Variants in DCTD observed in about 807,000 individuals in gnomAD.
DCTD encodes the protein deoxycytidylate deaminase.
Under a neutral mutation model 21.0 loss-of-function variants are expected in DCTD, and 23 were observed. The ratio of observed to expected loss-of-function variants is 1.09; its 90% CI spans 0.79 to 1.55. The LOEUF (loss-of-function observed/expected upper bound fraction) is 1.55. DCTD is among the 40% of genes most tolerant of loss of function. The pLI, the probability that DCTD is intolerant of heterozygous loss-of-function variation, is 0.00. For missense variants in DCTD, 224 were observed against 230.0 expected, an observed-to-expected ratio of 0.97 and a Z score of 0.17; for synonymous variants, 71 against 81.1, an observed-to-expected ratio of 0.88 and a Z score of 0.67.
intron 3 of DCTD, among the ~76,000 whole-genome samples, chr4:182,912,764 C>T (rs1737933642): frequency 1.3e-5 from 2 of 152,150 alleles, no homozygotes; most frequent in Non-Finnish European, 2.9e-5. Flanking sequence ...TACTGCATGG[C>T]CCTTGGCTTC....
chr4:182,893,067 G>A lies in DCTD; in HGVS notation c.422C>T (p.Ala141Val), dbSNP rs778735165. The change falls in exon 5 of 6, where the codon GCG becomes GTG. Residue 141 changes from alanine to valine, a missense_variant. Ala to Val is a moderately conservative substitution (Grantham distance 64). Coordinates refer to ENST00000438320, the MANE Select transcript of DCTD (RefSeq NM_001921.3). ...KYHDSDEATA[A>V]RLLFNMAGVT... The stretch of plus-strand genomic sequence containing the variant: ...CCCGGCCATATTAAACAGGAGCCTC[G>A]CAGCAGTTGCCTCGTCACTATCATG... 1.4e-5 allele frequency: 22 copies of A among 1,612,634 alleles called. No homozygotes were observed. The highest frequency in any genetic ancestry group is 8.9e-5 in the East Asian group (4 of 44,864).
At chr4:182,897,125 T>TATAG in intron 3 of DCTD, among the ~76,000 whole-genome samples, 1 of 152,206 alleles carries the variant, frequency 6.6e-6, no homozygotes, top group East Asian at 1.9e-4. Flanking sequence ...ACAGTATAGG[T>TATAG]CTGGATTCAT....
intron 3 of DCTD, among the ~76,000 whole-genome samples, chr4:182,914,019 G>GT (rs1485584131): frequency 2.7e-5 from 4 of 150,372 alleles, no homozygotes; most frequent in Admixed American, 2.0e-4. Context: ...TTTTTGTTTT[G>GT]TTTTTTGAGA....
At chr4:182,913,917 G>A (rs1163303939) in intron 3 of DCTD, among the ~76,000 whole-genome samples, 1 of 152,164 alleles carries the variant, frequency 6.6e-6, no homozygotes, top group Non-Finnish European at 1.5e-5. Flanking sequence ...AATTTCAAGG[G>A]GAAAATCCAG....
Position 182,891,221 on chromosome 4 carries a change from A to T in DCTD, c.*178T>A. On this transcript the variant is annotated 3_prime_UTR_variant, in exon 6 of 6. Coordinates refer to ENST00000438320, the MANE Select transcript of DCTD (RefSeq NM_001921.3). ...AACCCTAAAGCAATAGTTCAAACACATGTAGATTCCATGTGACAAGAGAGA... is the reference window on the plus strand; with the variant it reads ...AACCCTAAAGCAATAGTTCAAACACTTGTAGATTCCATGTGACAAGAGAGA... 1 of 613,378 alleles carries T rather than the reference A, an allele frequency of 1.6e-6. No individual in the cohort carries two copies. Among genetic ancestry groups the T allele is most frequent in the East Asian group, 2.6e-5 (1 of 38,276 alleles). 38.0% of individuals were successfully genotyped at this position (613,378 alleles called of 1,614,324 possible).
Position 182,892,914 on chromosome 4 carries a change from T to C in DCTD, c.458+117A>G, listed in dbSNP as rs1359788114. Reference sequence around the variant, plus strand: ...CTTTAAATTCTTATGCCCTTGCATTTCTAAAGACACCTCCAAGTGTGGAAG... The same window carrying C: ...CTTTAAATTCTTATGCCCTTGCATTCCTAAAGACACCTCCAAGTGTGGAAG... On this transcript the variant is annotated intron_variant, in intron 5 of 5. Transcript: ENST00000438320. The C allele has an allele frequency of 6.0e-6, 4 of 671,616 alleles. 1 individual carries two copies. Among genetic ancestry groups the C allele is most frequent in the Non-Finnish European group, 8.0e-6 (3 of 374,090 alleles). The allele number at this position is 671,616 out of a possible 1,614,324, so 41.6% of individuals were successfully genotyped here. A position where few individuals can be genotyped will look rare whatever the true frequency, so the allele number is the denominator to read the frequency against.
intron 3 of DCTD, among the ~76,000 whole-genome samples, chr4:182,905,326 C>CT (rs70956544): frequency 0.057 from 6,962 of 121,540 alleles, 239 homozygotes; most frequent in East Asian, 0.091. Context: ...AGCCCGCCTT[C>CT]TTTTTTTTTT....
intron 3 of DCTD, among the ~76,000 whole-genome samples, chr4:182,906,782 T>C (rs1460426070): frequency 6.6e-6 from 1 of 152,354 alleles, no homozygotes; most frequent in East Asian, 1.9e-4. Context: ...TGCTCAGTTA[T>C]CATATTCAAT....
At chr4:182,900,668 A>C (rs1735561811) in intron 3 of DCTD, among the ~76,000 whole-genome samples, 1 of 152,250 alleles carries the variant, frequency 6.6e-6, no homozygotes, top group African/African-American at 2.4e-5. Context: ...CAATAAGCAA[A>C]ATAAATCTGC....
chr4:182,894,481 G>A lies in DCTD; in HGVS notation c.361+8C>T. On this transcript the variant is annotated splice_region_variant and intron_variant, in intron 4 of 5. Transcript: ENST00000438320. ...CAAATGTGACAAATGGAAAGACCCG[G>A]TTCCTACCTGCCTGGATGATGAGCT... The A allele has an allele frequency of 6.4e-7, 1 of 1,565,842 alleles. No homozygotes were observed. Among genetic ancestry groups the A allele is most frequent in the South Asian group, 1.1e-5 (1 of 90,016 alleles).
At chr4:182,894,928 G>A (rs1338059105) in intron 3 of DCTD, among the ~76,000 whole-genome samples, 1 of 152,232 alleles carries the variant, frequency 6.6e-6, no homozygotes, top group Non-Finnish European at 1.5e-5. Flanking sequence ...GCTCATTGGT[G>A]TGCTGACACG....
intron 3 of DCTD, among the ~76,000 whole-genome samples, chr4:182,900,493 A>G (rs1735530163): frequency 6.6e-6 from 1 of 152,180 alleles, no homozygotes; most frequent in African/African-American, 2.4e-5. Flanking sequence ...ACTAACCAAA[A>G]CTAACCAAGA....
intron 3 of DCTD, among the ~76,000 whole-genome samples, chr4:182,903,688 C>T (rs1158662352): frequency 1.3e-5 from 2 of 151,980 alleles, no homozygotes; most frequent in South Asian, 2.1e-4. Flanking sequence ...GGTGCCCATC[C>T]GCCTGCCCAC....
intron 5 of DCTD, among the ~76,000 whole-genome samples, chr4:182,892,162 A>G (rs1579647866): frequency 6.6e-6 from 1 of 152,172 alleles, no homozygotes; most frequent in Non-Finnish European, 1.5e-5. Context: ...AATGACCAGC[A>G]CAAGGGGCCA....
chr4:182,912,333 A>G (rs945986584), intron 3 of DCTD, among the ~76,000 whole-genome samples: 1 of 152,138 alleles, frequency 6.6e-6, no homozygotes, highest in African/African-American at 2.4e-5. Flanking sequence ...TTATGGCGGC[A>G]GTAATACTAA....
intron 3 of DCTD, among the ~76,000 whole-genome samples, chr4:182,897,371 T>A (rs1285597152): frequency 6.7e-6 from 1 of 150,248 alleles, no homozygotes; most frequent in Admixed American, 6.6e-5. Flanking sequence ...ACCAGCACCA[T>A]CAAAAAGTAT....
intron 3 of DCTD, among the ~76,000 whole-genome samples, chr4:182,904,413 C>T (rs559853713): frequency 6.4e-4 from 98 of 152,280 alleles, no homozygotes; most frequent in African/African-American, 2.2e-3. Context: ...AGAAACAGAG[C>T]GCTAATCAGC....
chr4:182,912,149 CAAA>C (rs34737293), intron 3 of DCTD, among the ~76,000 whole-genome samples: 9 of 82,224 alleles, frequency 1.1e-4, no homozygotes, highest in Non-Finnish European at 7.8e-5. Flanking sequence ...AAAACGAAAG[CAAA>C]AAAAAAAAAA....
At chr4:182,898,652 C>T (rs920781136) in intron 3 of DCTD, among the ~76,000 whole-genome samples, 1 of 152,170 alleles carries the variant, frequency 6.6e-6, no homozygotes, top group African/African-American at 2.4e-5. Context: ...TCCCGCTTCT[C>T]TCTGCTCGTT....
Sources: gnomAD v4.1 joint callset for allele counts (sites outside exome capture counted in the v4.1 genomes callset) on GRCh38, gnomAD v4.1.1 for gene constraint, MANE v1.5 for transcripts, NCBI Gene and HGNC (gene_info 2026-07-23, HGNC 2026-07-21) for gene names.